SPATS2: variants seen among roughly 807,000 people sequenced by gnomAD.
The protein encoded by SPATS2 is spermatogenesis-associated serine-rich protein 2.
A neutral mutation model predicts 63.7 loss-of-function variants in SPATS2; 38 were observed. That is an observed-to-expected ratio of 0.60 (90% confidence interval 0.46 to 0.78). The LOEUF (loss-of-function observed/expected upper bound fraction) is 0.78. Ranked by LOEUF, SPATS2 falls within the 30% of genes least tolerant of loss-of-function variation. The probability of loss-of-function intolerance (pLI) is 0.00; values close to 1 mark genes in which losing one functional copy is unlikely to be tolerated. For synonymous variants in SPATS2, 207 were observed against 232.9 expected, an observed-to-expected ratio of 0.89 and a Z score of 1.01; for missense variants, 588 against 666.2, an observed-to-expected ratio of 0.88 and a Z score of 1.29.
intron 2 of SPATS2, among the ~76,000 whole-genome samples, chr12:49,380,238 C>T (rs1306954888): frequency 6.7e-6 from 1 of 149,098 alleles, no homozygotes; most frequent in Non-Finnish European, 1.5e-5. Flanking sequence ...GTGATTACAG[C>T]TCTCTGCAGC....
intron 2 of SPATS2, among the ~76,000 whole-genome samples, chr12:49,414,599 G>T (rs1178675636): frequency 1.3e-5 from 2 of 152,036 alleles, no homozygotes; most frequent in Non-Finnish European, 2.9e-5. Context: ...TGCCCAGAAG[G>T]CTTTTTTATT....
chr12:49,519,279 A>G (rs1387619731), intron 11 of SPATS2, 97 bp downstream of exon 11: 2 of 922,258 alleles, frequency 2.2e-6, no homozygotes, highest in Non-Finnish European at 3.2e-6. Context: ...TATTAAACTC[A>G]TGATCTTCCT....
At chr12:49,457,971 G>T (rs2137657276) in intron 2 of SPATS2, among the ~76,000 whole-genome samples, 1 of 152,250 alleles carries the variant, frequency 6.6e-6, no homozygotes, top group East Asian at 1.9e-4. Flanking sequence ...AGGTCCCACT[G>T]TGGTTTGTAG....
Position 49,493,081 on chromosome 12 carries a change from A to G in SPATS2, c.265-1660A>G, listed in dbSNP as rs868832906. On this transcript the variant is annotated intron_variant, in intron 6 of 13. Transcript: ENST00000552918. The stretch of plus-strand genomic sequence containing the variant: ...CCATTGCACTCCAGCCTGGGCAACA[A>G]GAGCGAAACTCCGTCTTTAAAAAAA... 3.3e-5 allele frequency among the ~76,000 whole-genome samples: 5 copies of G among 149,844 alleles called. No individual in the cohort carries two copies. The South Asian group carries it at 6.4e-4, about 19-fold the overall frequency.
intron 9 of SPATS2, chr12:49,513,033 T>C: frequency 1.6e-6 from 1 of 644,860 alleles, no homozygotes; most frequent in African/African-American, 1.9e-5. Context: ...ATTAACATCA[T>C]GCGTAACGAT....
intron 2 of SPATS2, among the ~76,000 whole-genome samples, chr12:49,382,086 C>A (rs1944232282): frequency 6.6e-6 from 1 of 152,204 alleles, no homozygotes; most frequent in Admixed American, 6.5e-5. Context: ...CTGAACTCTC[C>A]TGTCTCTTGC....
chr12:49,389,387 C>G (rs1944379746), intron 2 of SPATS2: 1 of 555,304 alleles, frequency 1.8e-6, no homozygotes, highest in African/African-American at 1.9e-5. Context: ...CGTCTGCTAA[C>G]TGAGGAGGCA....
intron 2 of SPATS2, among the ~76,000 whole-genome samples, chr12:49,458,083 G>A (rs1945750775): frequency 6.6e-6 from 1 of 152,156 alleles, no homozygotes; most frequent in Non-Finnish European, 1.5e-5. Flanking sequence ...TAATATAAGT[G>A]TACTCTCCTT....
chr12:49,402,965 T>G (rs1592363640), intron 2 of SPATS2, among the ~76,000 whole-genome samples: 1 of 151,874 alleles, frequency 6.6e-6, no homozygotes, highest in African/African-American at 2.4e-5. Context: ...AGACAAGAGG[T>G]TTAAGATATA....
Position 49,524,815 on chromosome 12 carries a change from T to G in SPATS2, c.1245T>G (p.Ala415=). The G allele has an allele frequency of 6.2e-7, 1 of 1,614,134 alleles. No homozygotes were observed. The highest frequency in any genetic ancestry group is 8.5e-7 in the Non-Finnish European group (1 of 1,180,010). ...TCASPPSLTS[A]NKKNFAPGET... ...CCTCTCCTCCCAGCCTTACAAGTGC[T>G]AACAAGAAAAACTTTGCACCGGGAG... is the stretch of plus-strand genomic sequence containing the variant. Residue 415 remains alanine (A), a synonymous_variant, in exon 13 of 14, where the codon GCT becomes GCG. Transcript: ENST00000552918.
At chr12:49,462,495 T>C (rs1565734367) in intron 3 of SPATS2, 3 of 698,612 alleles carry the variant, frequency 4.3e-6, no homozygotes, top group Admixed American at 2.0e-5. Context: ...GTGGGCCCTT[T>C]CCCCCCGTGT....
At chr12:49,424,470 A>G (rs77334900) in intron 2 of SPATS2, among the ~76,000 whole-genome samples, 4,420 of 152,254 alleles carry the variant, frequency 0.029, 88 homozygotes, top group Middle Eastern at 0.082. Flanking sequence ...TTTTGTCATT[A>G]TAATAGGTAG....
rs530260497 is a variant in SPATS2 at position 49,527,337 on chromosome 12, A to G, written c.*1082A>G. ...CCTGAACCAAATTTATAGCAATATA[A>G]TTAGTGTTAATCTAAGGCATTACTC... is the stretch of plus-strand genomic sequence containing the variant. On this transcript the variant is annotated 3_prime_UTR_variant, in exon 14 of 14. Transcript: ENST00000552918. 1 of 152,170 alleles carries G rather than the reference A, an allele frequency of 6.6e-6. No homozygotes were observed. Among genetic ancestry groups the G allele is most frequent in the East Asian group, 1.9e-4 (1 of 5,188 alleles). The allele number at this position is 152,170 out of a possible 1,614,324, so 9.4% of individuals were successfully genotyped here.
chr12:49,452,888 T>C (rs1332088950), intron 2 of SPATS2, among the ~76,000 whole-genome samples: 1 of 152,056 alleles, frequency 6.6e-6, no homozygotes, highest in Non-Finnish European at 1.5e-5. Flanking sequence ...CCGGGCGCAG[T>C]GGCTCACGCT....
intron 2 of SPATS2, among the ~76,000 whole-genome samples, chr12:49,386,887 G>A (rs1944326648): frequency 6.6e-6 from 1 of 152,146 alleles, no homozygotes; most frequent in Admixed American, 6.6e-5. Flanking sequence ...GTGGAAGTGA[G>A]AAATTTAAAG....
At chr12:49,379,321 G>A (rs1424454576) in intron 2 of SPATS2, among the ~76,000 whole-genome samples, 2 of 150,522 alleles carry the variant, frequency 1.3e-5, no homozygotes, top group Non-Finnish European at 3.0e-5. Flanking sequence ...GCTGAGGTGG[G>A]TGGATCACGA....
In SPATS2 at chr12:49,495,002, G is replaced by A; in HGVS notation, c.526G>A (p.Gly176Arg). Residue 176 changes from glycine (G) to arginine (R), a missense_variant and splice_region_variant, in exon 7 of 14, where the codon GGA (glycine) becomes AGA (arginine). Gly to Arg is a moderately radical substitution (Grantham distance 125). Coordinates refer to ENST00000552918, the MANE Select transcript of SPATS2 (RefSeq NM_023071.4). Reference sequence around the variant, plus strand: ...CATGCTAGATACGCTGGATAGAACAGGTGAGTTTATTAACAGATTTTGAAA... The same window carrying A: ...CATGCTAGATACGCTGGATAGAACAAGTGAGTTTATTAACAGATTTTGAAA... ...SAMLDTLDRT[G>R]SMLQNGVSDF... The A allele has an allele frequency of 1.9e-6, 3 of 1,567,816 alleles. No individual in the cohort carries two copies. Among genetic ancestry groups the A allele is most frequent in the Non-Finnish European group, 1.7e-6 (2 of 1,156,800 alleles).
At chr12:49,431,900 T>C (rs1319445846) in intron 2 of SPATS2, among the ~76,000 whole-genome samples, 2 of 152,176 alleles carry the variant, frequency 1.3e-5, no homozygotes, top group East Asian at 1.9e-4. Context: ...GGTGTGGTAG[T>C]GTGCACCTGT....
intron 2 of SPATS2, among the ~76,000 whole-genome samples, chr12:49,415,298 G>A (rs1944870556): frequency 6.6e-6 from 1 of 152,058 alleles, no homozygotes; most frequent in South Asian, 2.1e-4. Flanking sequence ...ACCCACCTCG[G>A]CCTCCCAAAG....
Sources: gnomAD v4.1 joint callset for allele counts (sites outside exome capture counted in the v4.1 genomes callset) on GRCh38, gnomAD v4.1.1 for gene constraint, MANE v1.5 for transcripts, NCBI Gene and HGNC (gene_info 2026-07-23, HGNC 2026-07-21) for gene names.